Variants in OSBPL1A observed in about 807,000 individuals in gnomAD.
OSBPL1A encodes the protein oxysterol-binding protein-related protein 1.
OSBPL1A carries 80 observed loss-of-function variants against 137.1 expected under a neutral mutation model. The ratio of observed to expected loss-of-function variants is 0.58; its 90% CI spans 0.49 to 0.70. OSBPL1A has a LOEUF of 0.70. Ranked by LOEUF, OSBPL1A falls within the 30% of genes least tolerant of loss-of-function variation. OSBPL1A has a pLI of 0.00. For missense variants in OSBPL1A, 970 were observed against 1,129.4 expected (o/e 0.86, Z 2.02); for synonymous variants, 365 against 389.7 (o/e 0.94, Z 0.75).
intron 16 of OSBPL1A, among the ~76,000 whole-genome samples, chr18:24,238,080 C>A (rs2088556830): frequency 6.6e-6 from 1 of 152,300 alleles, no homozygotes; most frequent in South Asian, 2.1e-4. Flanking sequence ...CTACATTCTA[C>A]CAACATCATT....
chr18:24,356,069 G>A (rs1040363948), intron 4 of OSBPL1A, among the ~76,000 whole-genome samples: 11 of 151,800 alleles, frequency 7.2e-5, no homozygotes, highest in African/African-American at 2.2e-4. Flanking sequence ...CCAGCTACTT[G>A]GGAGGCTGAG....
At chr18:24,292,367 C>A (rs1303268045) in intron 14 of OSBPL1A, among the ~76,000 whole-genome samples, 1 of 152,130 alleles carries the variant, frequency 6.6e-6, no homozygotes, top group Non-Finnish European at 1.5e-5. Context: ...GGTTTCTTCC[C>A]TATTTCATGT....
intron 2 of OSBPL1A, among the ~76,000 whole-genome samples, chr18:24,375,576 A>C (rs1169890954): frequency 1.3e-5 from 2 of 151,648 alleles, no homozygotes; most frequent in East Asian, 1.9e-4. Flanking sequence ...GTTAACTCCT[A>C]CTCTTTCACA....
At chr18:24,278,178 T>G (rs533425634) in intron 15 of OSBPL1A, among the ~76,000 whole-genome samples, 3 of 152,212 alleles carry the variant, frequency 2.0e-5, no homozygotes, top group African/African-American at 7.2e-5. Flanking sequence ...ATTCAAAAGA[T>G]GAAGACAACA....
intron 1 of OSBPL1A, among the ~76,000 whole-genome samples, chr18:24,391,493 C>A (rs554129426): frequency 1.4e-5 from 2 of 147,396 alleles, no homozygotes; most frequent in East Asian, 4.0e-4. Context: ...GAGGCTGAGG[C>A]AGGAGGATAG....
At chr18:24,170,978 T>C (rs1212334529) in intron 23 of OSBPL1A, among the ~76,000 whole-genome samples, 1 of 151,884 alleles carries the variant, frequency 6.6e-6, no homozygotes, top group Non-Finnish European at 1.5e-5. Context: ...ATAAACTTCC[T>C]TGTAGAAGAA....
At chr18:24,341,770 G>A (rs767333277) in intron 4 of OSBPL1A, 112 bp from the exon 5 acceptor site, 17 of 617,142 alleles carry the variant, frequency 2.8e-5, no homozygotes, top group Non-Finnish European at 4.4e-5. Context: ...AAAGCACCAG[G>A]TGAGAATGTA....
chr18:24,348,489 C>A (rs985340411), intron 4 of OSBPL1A, among the ~76,000 whole-genome samples: 1 of 152,120 alleles, frequency 6.6e-6, no homozygotes, highest in African/African-American at 2.4e-5. Flanking sequence ...AAAACACCTT[C>A]AGGCCAGGCA....
chr18:24,373,064 T>C (rs1019857760), intron 2 of OSBPL1A, among the ~76,000 whole-genome samples: 9 of 151,782 alleles, frequency 5.9e-5, no homozygotes, highest in Non-Finnish European at 1.2e-4. Flanking sequence ...AGACTATGTC[T>C]CAAAAAAAGA....
intron 7 of OSBPL1A, among the ~76,000 whole-genome samples, chr18:24,324,915 G>A: frequency 6.6e-6 from 1 of 151,732 alleles, no homozygotes; most frequent in Non-Finnish European, 1.5e-5. Flanking sequence ...GTGAAACCCT[G>A]TCTCTACTAA....
At chr18:24,349,745 AC>A in intron 4 of OSBPL1A, among the ~76,000 whole-genome samples, 3 of 148,704 alleles carry the variant, frequency 2.0e-5, no homozygotes, top group Non-Finnish European at 4.5e-5. Context: ...AAAAAAAACA[AC>A]AACAGTGAAC....
chr18:24,175,694 T>C (rs542329172), intron 21 of OSBPL1A, among the ~76,000 whole-genome samples: 3 of 152,366 alleles, frequency 2.0e-5, no homozygotes, highest in South Asian at 4.1e-4. Context: ...TTTGGTATCA[T>C]ATCCATAAGA....
At chr18:24,241,165 T>C (rs899371983) in intron 15 of OSBPL1A, among the ~76,000 whole-genome samples, 5 of 152,052 alleles carry the variant, frequency 3.3e-5, no homozygotes, top group Admixed American at 3.3e-4. Flanking sequence ...CCTAAAACCA[T>C]AAAAACCCTA....
chr18:24,305,800 T>C (rs1253494710), intron 13 of OSBPL1A, among the ~76,000 whole-genome samples: 2 of 152,140 alleles, frequency 1.3e-5, no homozygotes, highest in African/African-American at 2.4e-5. Context: ...GTTCTCATGA[T>C]AGTGAACAAG....
intron 1 of OSBPL1A, among the ~76,000 whole-genome samples, chr18:24,396,074 C>A (rs1428522874): frequency 1.3e-5 from 2 of 151,482 alleles, no homozygotes; most frequent in Non-Finnish European, 2.9e-5. Context: ...CAAAAATTAG[C>A]CGGGCATGGT....
At chr18:24,228,896 AGG>A (rs1342186559) in intron 16 of OSBPL1A, among the ~76,000 whole-genome samples, 1 of 152,148 alleles carries the variant, frequency 6.6e-6, no homozygotes, top group East Asian at 1.9e-4. Context: ...CTGACTACAT[AGG>A]ATAAATAAAA....
intron 17 of OSBPL1A, among the ~76,000 whole-genome samples, chr18:24,207,461 T>C (rs909428451): frequency 2.0e-5 from 3 of 152,252 alleles, no homozygotes; most frequent in Non-Finnish European, 4.4e-5. Flanking sequence ...CAAATAAGTA[T>C]TTTTTATTAA....
intron 15 of OSBPL1A, among the ~76,000 whole-genome samples, chr18:24,270,108 A>G (rs1030111710): frequency 4.1e-4 from 63 of 152,200 alleles, no homozygotes; most frequent in African/African-American, 1.5e-3. Context: ...CTAAATTTCT[A>G]TTTTTAGAGG....
chr18:24,312,212 T>G (rs189643701), intron 12 of OSBPL1A, 106 bp from the exon 13 acceptor site: 11 of 1,371,586 alleles, frequency 8.0e-6, no homozygotes, highest in Admixed American at 4.4e-5. Flanking sequence ...GAAATAAATA[T>G]TATGGCCTCA....
Sources: allele counts gnomAD v4.1 joint callset (sites outside exome capture counted in the v4.1 genomes callset), GRCh38; gene constraint gnomAD v4.1.1; transcripts MANE v1.5; gene names NCBI Gene and HGNC (gene_info 2026-07-23, HGNC 2026-07-21).